The following FASTKD5 variants were observed in gnomAD, a reference collection of about 807,000 sequenced individuals.
FASTKD5 encodes non-canonical pre-mRNAs endonuclease FASTKD5, mitochondrial.
A neutral mutation model predicts 44.0 loss-of-function variants in FASTKD5; 30 were observed. The observed-to-expected ratio is 0.68, with a 90% confidence interval of 0.51 to 0.93. The LOEUF is 0.93. Ranked by LOEUF, FASTKD5 falls within the 40% of genes least tolerant of loss-of-function variation. The pLI is 0.00. For missense variants in FASTKD5, 868 were observed against 908.2 expected (o/e 0.96, Z 0.57); for synonymous variants, 335 against 342.2 (o/e 0.98, Z 0.23).
In FASTKD5 at chr20:3,159,850, C is replaced by T. The variant is rs1280272216; in HGVS notation, c.-275G>A. Reference sequence around the variant, plus strand: ...ACACAGATACTGGCTCCTCCGGCGACTCCGAGCCTCACAGCCCCACTTCCG... The same window carrying T: ...ACACAGATACTGGCTCCTCCGGCGATTCCGAGCCTCACAGCCCCACTTCCG... On this transcript the variant is annotated 5_prime_UTR_variant, in exon 1 of 2. Transcript: ENST00000380266. 2 of 152,326 alleles carry T rather than the reference C, an allele frequency of 1.3e-5. No homozygotes were observed. The highest frequency in any genetic ancestry group is 2.9e-5 in the Non-Finnish European group (2 of 68,096). The allele number at this position is 152,326 out of a possible 1,614,324, so 9.4% of individuals were successfully genotyped here.
rs1209614057 is a variant in FASTKD5, at chr20:3,149,351, C to T, written c.-190-91G>A. 4 of 414,306 alleles carry T rather than the reference C, an allele frequency of 9.7e-6. No individual in the cohort carries two copies. The highest frequency in any genetic ancestry group is 2.0e-5 in the African/African-American group (1 of 50,396). 25.7% of individuals were successfully genotyped at this position (414,306 alleles called of 1,614,324 possible). ...TAAAAAACAGGTTGAAACTACACTGCTGTCTACTCAAATAAGTTCAATGCT... is the reference window on the plus strand; with the variant it reads ...TAAAAAACAGGTTGAAACTACACTGTTGTCTACTCAAATAAGTTCAATGCT... On this transcript the variant is annotated intron_variant, in intron 1 of 1. Coordinates refer to ENST00000380266, the MANE Select transcript of FASTKD5 (RefSeq NM_021826.5). The surrounding 1 kb of genome is among the most constrained non-coding windows in gnomAD (Gnocchi z 4.1).
chr20:3,155,706 TAATA>T (rs1231410821), intron 1 of FASTKD5, among the ~76,000 whole-genome samples: 7 of 152,328 alleles, frequency 4.6e-5, no homozygotes, highest in South Asian at 2.1e-4. Context: ...GAAAGTAGCT[TAATA>T]GATAAGGAAA....
At chr20:3,157,081 C>A (rs1437212762) in intron 1 of FASTKD5, among the ~76,000 whole-genome samples, 1 of 148,568 alleles carries the variant, frequency 6.7e-6, no homozygotes, top group South Asian at 2.1e-4. Flanking sequence ...GGCTACATGG[C>A]GAGACCCTGT....
At position 3,148,950 on chromosome 20, in the gene FASTKD5, G is replaced by C; in HGVS notation, c.121C>G (p.Gln41Glu). 1 of 1,614,208 alleles carries C rather than the reference G, an allele frequency of 6.2e-7. No homozygotes were observed. The highest frequency in any genetic ancestry group is 8.5e-7 in the Non-Finnish European group (1 of 1,180,042). ...WNVSSTQHGG[Q>E]DPPEHISLCH... ...AGGCTAATGTGTTCTGGAGGGTCCT[G>C]TCCCCCATGCTGTGTGCTGCTCACA... Residue 41 changes from glutamine (Q) to glutamate (E), a missense_variant, in exon 2 of 2, where the codon CAG (glutamine) becomes GAG (glutamate). Physicochemically the swap from Gln to Glu is conservative, Grantham distance 29. Coordinates refer to ENST00000380266, the MANE Select transcript of FASTKD5 (RefSeq NM_021826.5).
chr20:3,152,201 C>A (rs1220552123), intron 1 of FASTKD5, among the ~76,000 whole-genome samples: 2 of 151,320 alleles, frequency 1.3e-5, no homozygotes, highest in African/African-American at 4.9e-5. Flanking sequence ...CTATTTTTGG[C>A]TGGGCACAGT....
intron 1 of FASTKD5, among the ~76,000 whole-genome samples, chr20:3,155,366 C>T (rs2066673489): frequency 6.6e-6 from 1 of 152,124 alleles, no homozygotes; most frequent in Admixed American, 6.5e-5. Context: ...CACGTCTCTC[C>T]TAAAAATACA....
At chr20:3,157,107 A>G (rs201118741) in intron 1 of FASTKD5, among the ~76,000 whole-genome samples, 1 of 147,822 alleles carries the variant, frequency 6.8e-6, no homozygotes, top group African/African-American at 2.6e-5. Context: ...CCAAAAAAAA[A>G]GGGCAAAAAA....
intron 1 of FASTKD5, among the ~76,000 whole-genome samples, chr20:3,154,167 G>C (rs990139020): frequency 6.6e-6 from 1 of 152,148 alleles, no homozygotes; most frequent in African/African-American, 2.4e-5. Context: ...GAAATCCCAG[G>C]AAAAAGGTGA....
intron 1 of FASTKD5, 90 bp downstream of exon 1, chr20:3,159,676 G>T (rs998915641): frequency 4.6e-5 from 7 of 152,292 alleles, no homozygotes; most frequent in Admixed American, 3.9e-4. Flanking sequence ...TGGGCCGGCC[G>T]GGAGGACAGG....
In FASTKD5 at chr20:3,149,032, G is replaced by T; in HGVS notation, c.39C>A (p.Tyr13Ter). The T allele has an allele frequency of 3.7e-6, 6 of 1,613,612 alleles. No homozygotes were observed. The highest frequency in any genetic ancestry group is 5.1e-6 in the Non-Finnish European group (6 of 1,179,790). The change falls in exon 2 of 2, where the codon TAC (tyrosine) becomes TAA (stop). Residue 13 changes from tyrosine to a stop codon, truncating the protein, a stop_gained. Transcript: ENST00000380266. LOFTEE classifies it high-confidence loss of function. This position sits in a 1 kb window ranked among gnomAD's most constrained non-coding sequence, Gnocchi z 4.1. ...AGGCAGAAGGACTGCAAAATGCTCG[G>T]TATCTTACAAGTTTTAATGACTTGA... ...ATLKSLKLVR[Y>*]RAFCSPSAFG...
Position 3,147,694 on chromosome 20 carries a change from G to A in FASTKD5, c.1377C>T (p.His459=), listed in dbSNP as rs1470071867. ...EFYSSLISEI[H]RKMPEFNQYP... Reference sequence around the variant, plus strand: ...ACTGGTTGAATTCAGGCATCTTTCTGTGAATCTCACTTATCAGGCTGGAGT... The same window carrying A: ...ACTGGTTGAATTCAGGCATCTTTCTATGAATCTCACTTATCAGGCTGGAGT... Residue 459 remains histidine, a synonymous_variant, in exon 2 of 2, where the codon CAC becomes CAT. Transcript: ENST00000380266. 5 of 1,614,112 alleles carry A rather than the reference G, an allele frequency of 3.1e-6. 1 individual carries two copies. The South Asian group carries it at 3.3e-5, about 11-fold the overall frequency.
rs138609005 is a variant in FASTKD5, at chr20:3,152,927, A to G, written c.-190-3667T>C. On this transcript the variant is annotated intron_variant, in intron 1 of 1. Coordinates refer to ENST00000380266, the MANE Select transcript of FASTKD5 (RefSeq NM_021826.5). Reference sequence around the variant, plus strand: ...TCAAAAAAAAAAAAAAGTAGATCCTAAAAAAATAGATTTAAAGGTCCCATT... The same window carrying G: ...TCAAAAAAAAAAAAAAGTAGATCCTGAAAAAATAGATTTAAAGGTCCCATT... Among the ~76,000 whole-genome samples the G allele has an allele frequency of 7.5e-3, 1,139 of 152,062 alleles. 17 individuals are homozygous for G. The highest frequency in any genetic ancestry group is 0.026 in the African/African-American group (1,082 of 41,450).
intron 1 of FASTKD5, among the ~76,000 whole-genome samples, chr20:3,153,565 TAG>T (rs542859121): frequency 6.6e-6 from 1 of 152,122 alleles, no homozygotes; most frequent in African/African-American, 2.4e-5. Context: ...ATTGGTGTAC[TAG>T]AGAGACAAGA....
intron 1 of FASTKD5, among the ~76,000 whole-genome samples, chr20:3,158,270 C>T (rs2066709776): frequency 2.0e-5 from 3 of 151,886 alleles, no homozygotes; most frequent in Admixed American, 2.0e-4. Flanking sequence ...CGCACCTGAC[C>T]TTAGAATTAT....
At chr20:3,157,110 GC>G (rs2066693709) in intron 1 of FASTKD5, among the ~76,000 whole-genome samples, 1 of 151,790 alleles carries the variant, frequency 6.6e-6, no homozygotes, top group Admixed American at 6.6e-5. Context: ...AAAAAAAAGG[GC>G]AAAAAAACCG....
Position 3,159,821 on chromosome 20 carries a change from G to A in FASTKD5, c.-246C>T, listed in dbSNP as rs1246688487. The stretch of plus-strand genomic sequence containing the variant: ...CCAAACCGGGGACGCCGCGGGCGGC[G>A]GCGACACAGATACTGGCTCCTCCGG... On this transcript the variant is annotated 5_prime_UTR_variant, in exon 1 of 2. Coordinates refer to ENST00000380266, the MANE Select transcript of FASTKD5 (RefSeq NM_021826.5). 6.6e-6 allele frequency: 1 copy of A among 152,272 alleles called. No individual in the cohort carries two copies. The highest frequency in any genetic ancestry group is 2.4e-5 in the African/African-American group (1 of 41,462). The allele number at this position is 152,272 out of a possible 1,614,324, so 9.4% of individuals were successfully genotyped here. A position where few individuals can be genotyped will look rare whatever the true frequency, so the allele number is the denominator to read the frequency against.
rs562493911 is a variant in FASTKD5, at chr20:3,157,493, CTCTTT to C, written c.-191+2268_-191+2272del. On this transcript the variant is annotated intron_variant, in intron 1 of 1. Transcript: ENST00000380266. ...TTTCAGCTACACAGCCCTTCCGCTT[CTCTTT>C]TAAGACTCTGCTATTCCTCTATCAG... is the stretch of plus-strand genomic sequence containing the variant. Among the ~76,000 whole-genome samples, 300 of 152,362 alleles carry C rather than the reference CTCTTT, an allele frequency of 2.0e-3. 2 individuals carry two copies. Among genetic ancestry groups the C allele is most frequent in the African/African-American group, 6.9e-3 (288 of 41,590 alleles).
intron 1 of FASTKD5, among the ~76,000 whole-genome samples, chr20:3,152,256 G>T (rs183474087): frequency 6.6e-6 from 1 of 151,758 alleles, no homozygotes; most frequent in Non-Finnish European, 1.5e-5. Flanking sequence ...TGAGGCGGGT[G>T]GATCTATGAG....
chr20:3,156,268 C>G (rs1478598709), intron 1 of FASTKD5, among the ~76,000 whole-genome samples: 2 of 151,420 alleles, frequency 1.3e-5, no homozygotes, highest in African/African-American at 4.9e-5. Context: ...CTCTGCATCC[C>G]GGGTTTAAGT....
Sources: gnomAD v4.1 joint callset for allele counts (sites outside exome capture counted in the v4.1 genomes callset) on GRCh38, gnomAD v4.1.1 for gene constraint, Gnocchi (gnomAD v3.1) non-coding constraint, MANE v1.5 for transcripts, NCBI Gene and HGNC (gene_info 2026-07-23, HGNC 2026-07-21) for gene names.